The following SHANK2 variants were observed in gnomAD, a reference collection of about 807,000 sequenced individuals.
SHANK2 encodes SH3 and multiple ankyrin repeat domains 2, also known as SH3 and multiple ankyrin repeat domains protein 2.
In SHANK2, 43 loss-of-function variants were observed where a neutral mutation model predicts 133.7. The observed-to-expected ratio is 0.32, with a 90% CI of 0.25 to 0.41. The LOEUF is 0.41. Ranked by LOEUF, SHANK2 falls within the 10% of genes least tolerant of loss-of-function variation. SHANK2 has a pLI of 1.00. For missense variants in SHANK2, 1,994 were observed against 2,235.8 expected (o/e 0.89, Z 2.18); for synonymous variants, 1,017 against 952.8 (o/e 1.07, Z -1.24).
chr11:70,487,397 G>A lies in SHANK2; in HGVS notation c.2896C>T (p.Leu966Phe). The A allele has an allele frequency of 1.9e-6, 3 of 1,614,170 alleles. No homozygotes were observed. Among genetic ancestry groups the A allele is most frequent in the Non-Finnish European group, 2.5e-6 (3 of 1,180,038 alleles). ...LDRYSLDSEDLYSRNAGPQAN... is the reference protein window; with the variant it reads ...LDRYSLDSEDFYSRNAGPQAN... ...TGCGGGCCGGCATTCCGACTGTAGAGGTCTTCAGAGTCCAAGGAGTAGCGG... is the reference window on the plus strand; with the variant it reads ...TGCGGGCCGGCATTCCGACTGTAGAAGTCTTCAGAGTCCAAGGAGTAGCGG... The change falls in exon 25 of 26, where the codon CTC becomes TTC. Residue 966 changes from leucine to phenylalanine, a missense_variant. Physicochemically the swap from Leu to Phe is conservative, Grantham distance 22 (BLOSUM62 0). Around this residue, in one of 5 missense-constraint regions of SHANK2, gnomAD observed 488 missense variants for 642.6 expected, o/e 0.76. Transcript: ENST00000601538. This position sits in a 1 kb window ranked among gnomAD's most constrained non-coding sequence, Gnocchi z 5.8.
chr11:70,631,406 A>ACACACACACACC lies in SHANK2; in HGVS notation c.2061+28421_2061+28422insGGTGTGTGTGTG, dbSNP rs567386319. ...CACACACACACACACACACACACAC[A>ACACACACACACC]CACCCACACAACCTCCCTCCCACCT... On this transcript the variant is annotated intron_variant, in intron 17 of 25. Coordinates refer to ENST00000601538, the MANE Select transcript of SHANK2 (RefSeq NM_012309.5). Among the ~76,000 whole-genome samples, 16 of 149,442 alleles carry ACACACACACACC rather than the reference A, an allele frequency of 1.1e-4. No individual in the cohort carries two copies. In the South Asian group the frequency reaches 3.2e-3, roughly 30 times the overall value.
At chr11:70,701,575 AT>A (rs60568104) in intron 14 of SHANK2, among the ~76,000 whole-genome samples, 11,962 of 149,042 alleles carry the variant, frequency 0.08, 577 homozygotes, top group African/African-American at 0.11. Context: ...TAATTTTTAT[AT>A]TTTTTTTTTC....
intron 14 of SHANK2, among the ~76,000 whole-genome samples, chr11:70,792,440 C>A (rs1002962250): frequency 1.3e-5 from 2 of 151,174 alleles, no homozygotes; most frequent in Non-Finnish European, 2.9e-5. Context: ...ACCAACCAAC[C>A]AACCAACGAG....
Position 70,543,761 on chromosome 11 carries a change from G to C in SHANK2, c.2062-40830C>G, listed in dbSNP as rs1254726751. On this transcript the variant is annotated intron_variant, in intron 17 of 25. Coordinates refer to ENST00000601538, the MANE Select transcript of SHANK2 (RefSeq NM_012309.5). ...TCATAGCTGGTCGGTCAGAGGCACA[G>C]GTCACAACCTGGGGCTTGTTCTTGG... Among the ~76,000 whole-genome samples, 4 of 152,246 alleles carry C rather than the reference G, an allele frequency of 2.6e-5. No individual in the cohort carries two copies. The East Asian group carries it at 7.7e-4, about 29-fold the overall frequency.
At chr11:70,748,871 T>C (rs1434558759) in intron 14 of SHANK2, among the ~76,000 whole-genome samples, 1 of 152,218 alleles carries the variant, frequency 6.6e-6, no homozygotes, top group Non-Finnish European at 1.5e-5. Flanking sequence ...AGAAAAGCTC[T>C]TGGAAAAGTT....
intron 14 of SHANK2, among the ~76,000 whole-genome samples, chr11:70,731,586 A>G (rs1946291569): frequency 6.6e-6 from 1 of 152,158 alleles, no homozygotes; most frequent in Admixed American, 6.5e-5. Flanking sequence ...TCAGTCCCTC[A>G]TTCCTTTTAA....
chr11:70,755,462 C>T (rs1389913427), intron 14 of SHANK2, among the ~76,000 whole-genome samples: 2 of 152,238 alleles, frequency 1.3e-5, no homozygotes, highest in Non-Finnish European at 2.9e-5. Context: ...CTCATCCCAT[C>T]CCTGCCCTGT....
At chr11:71,132,773 A>T (rs1258509281) in intron 3 of SHANK2, among the ~76,000 whole-genome samples, 1 of 152,200 alleles carries the variant, frequency 6.6e-6, no homozygotes, top group African/African-American at 2.4e-5. Flanking sequence ...TTGACTTTCC[A>T]TGGCAACTTT....
chr11:70,785,473 A>G (rs1555046261), intron 14 of SHANK2, among the ~76,000 whole-genome samples: 1 of 151,796 alleles, frequency 6.6e-6, no homozygotes, highest in East Asian at 1.9e-4. Flanking sequence ...TTTTTTTGCC[A>G]GCTGGCCCTG....
At chr11:71,251,361 A>G (rs1239576827) in intron 1 of SHANK2, among the ~76,000 whole-genome samples, 2 of 151,906 alleles carry the variant, frequency 1.3e-5, no homozygotes, top group African/African-American at 4.8e-5. Context: ...GGTCCACCCC[A>G]GCCCCCGCAT....
At chr11:70,924,018 G>A (rs533906774) in intron 10 of SHANK2, among the ~76,000 whole-genome samples, 2 of 152,322 alleles carry the variant, frequency 1.3e-5, no homozygotes, top group East Asian at 1.9e-4. Context: ...TGCTCAGGGG[G>A]AGGCACGAGG....
chr11:70,903,848 G>T (rs1950060114), intron 10 of SHANK2, among the ~76,000 whole-genome samples: 1 of 152,204 alleles, frequency 6.6e-6, no homozygotes, highest in Non-Finnish European at 1.5e-5. Flanking sequence ...CGCAAAGCTG[G>T]TGAAAATGCC....
At chr11:70,876,553 C>T (rs1377087698) in intron 11 of SHANK2, among the ~76,000 whole-genome samples, 8 of 147,716 alleles carry the variant, frequency 5.4e-5, no homozygotes, top group Non-Finnish European at 1.0e-4. Context: ...AGTGAGACTC[C>T]GCCTCAAAAA....
chr11:70,503,830 AC>A (rs1554967797), intron 17 of SHANK2, among the ~76,000 whole-genome samples: 2 of 152,162 alleles, frequency 1.3e-5, no homozygotes, highest in Admixed American at 6.5e-5. Context: ...CCAGAGGAAA[AC>A]CCGAGTGATG....
intron 10 of SHANK2, among the ~76,000 whole-genome samples, chr11:70,923,514 T>C (rs1384212619): frequency 2.0e-5 from 3 of 152,124 alleles, no homozygotes; most frequent in Non-Finnish European, 4.4e-5. Context: ...AGCACTGGGA[T>C]CACAGGCATG....
intron 17 of SHANK2, among the ~76,000 whole-genome samples, chr11:70,599,905 G>GAAAGAAAGATAGAAAGAA (rs1466206835): frequency 6.8e-5 from 5 of 73,730 alleles, no homozygotes; most frequent in African/African-American, 3.0e-4. Flanking sequence ...AAGAAAGAAA[G>GAAAGAAAGATAGAAAGAA]AGAAAGAAAG....
chr11:70,802,620 G>C (rs1555050782), intron 13 of SHANK2, among the ~76,000 whole-genome samples: 1 of 152,184 alleles, frequency 6.6e-6, no homozygotes, highest in African/African-American at 2.4e-5. Flanking sequence ...TGCTTAAATT[G>C]ACACAGGACT....
intron 17 of SHANK2, among the ~76,000 whole-genome samples, chr11:70,503,398 G>A (rs2059089303): frequency 6.6e-6 from 1 of 152,220 alleles, no homozygotes; most frequent in African/African-American, 2.4e-5. Flanking sequence ...TGCTTCTCAT[G>A]TATTCTGGGA....
chr11:70,645,182 G>C (rs2061243149), intron 17 of SHANK2, among the ~76,000 whole-genome samples: 1 of 152,208 alleles, frequency 6.6e-6, no homozygotes, highest in Admixed American at 6.5e-5. Flanking sequence ...CTGCACTCCA[G>C]CCTGAGCAAC....
Sources: allele counts gnomAD v4.1 joint callset (sites outside exome capture counted in the v4.1 genomes callset), GRCh38; gene constraint gnomAD v4.1.1; regional missense constraint gnomAD v4.1.1; non-coding constraint Gnocchi (gnomAD v3.1); transcripts MANE v1.5; gene names NCBI Gene and HGNC (gene_info 2026-07-23, HGNC 2026-07-21).